The following TPPP variants were observed in gnomAD, a reference collection of about 807,000 sequenced individuals.
TPPP encodes tubulin polymerization promoting protein.
TPPP carries 6 observed loss-of-function variants against 15.5 expected under a neutral mutation model. The ratio of observed to expected loss-of-function variants is 0.39; its 90% CI spans 0.21 to 0.77. TPPP has a LOEUF of 0.77. TPPP is among the 30% of genes least tolerant of loss of function. The probability of loss-of-function intolerance (pLI) is 0.42; values close to 1 mark genes in which losing one functional copy is unlikely to be tolerated. For synonymous variants in TPPP, 146 were observed against 133.9 expected (o/e 1.09, Z -0.63); for missense variants, 269 against 307.2 (o/e 0.88, Z 0.93).
At chr5:688,260 A>AAGGGGAAC (rs1447609745) in intron 1 of TPPP, among the ~76,000 whole-genome samples, 2 of 141,994 alleles carry the variant, frequency 1.4e-5, no homozygotes, top group Non-Finnish European at 3.2e-5. Flanking sequence ...GTTGCCAAGA[A>AAGGGGAAC]AGGGGAACCG....
chr5:668,548 CAAAT>C lies in TPPP; in HGVS notation c.312-2429_312-2426del, dbSNP rs539069587. Among the ~76,000 whole-genome samples the C allele has an allele frequency of 6.0e-3, 909 of 152,232 alleles. 3 individuals carry two copies. The highest frequency in any genetic ancestry group is 0.014 in the Middle Eastern group (4 of 290). ...ACACTCTCCAGGGGGCTCAGACAAT[CAAAT>C]AAACTGCCGGCACCTCGAGCTGAGC... On this transcript the variant is annotated intron_variant, in intron 2 of 3. Coordinates refer to ENST00000360578, the MANE Select transcript of TPPP (RefSeq NM_007030.3).
At chr5:697,191 G>T (rs1178907035), upstream of TPPP, among the ~76,000 whole-genome samples, 1 of 151,336 alleles carries the variant, frequency 6.6e-6, no homozygotes, top group Non-Finnish European at 1.5e-5. Flanking sequence ...AGCGACTCTG[G>T]CCCCCCTATC....
Position 661,371 on chromosome 5 carries a change from CCT to C in TPPP, c.*3729_*3730del, listed in dbSNP as rs1392630141. The C allele has an allele frequency of 6.6e-6, 1 of 152,106 alleles. No homozygotes were observed. The highest frequency in any genetic ancestry group is 3.4e-3 in the Middle Eastern group (1 of 290). 9.4% of individuals were successfully genotyped at this position (152,106 alleles called of 1,614,324 possible). A position where few individuals can be genotyped will look rare whatever the true frequency, so the allele number is the denominator to read the frequency against. ...GGTGTCACCCATGATAGAACCTGTCCCTGTGTCCTCGTGTCACCCATGACAGA... is the reference window on the plus strand; with the variant it reads ...GGTGTCACCCATGATAGAACCTGTCCGTGTCCTCGTGTCACCCATGACAGA... On this transcript the variant is annotated 3_prime_UTR_variant, in exon 4 of 4. Transcript: ENST00000360578.
At chr5:669,712 A>G (rs1365473946) in intron 2 of TPPP, among the ~76,000 whole-genome samples, 1 of 151,808 alleles carries the variant, frequency 6.6e-6, no homozygotes, top group Admixed American at 6.5e-5. Flanking sequence ...AGATCCGGAC[A>G]CCTGCTCTGC....
Position 664,557 on chromosome 5 carries a change from G to C in TPPP, c.*545C>G, listed in dbSNP as rs183379471. 1 of 155,254 alleles carries C rather than the reference G, an allele frequency of 6.4e-6. No individual in the cohort carries two copies. The highest frequency in any genetic ancestry group is 1.4e-5 in the Non-Finnish European group (1 of 70,212). The allele number at this position is 155,254 out of a possible 1,614,324, so 9.6% of individuals were successfully genotyped here. A position where few individuals can be genotyped will look rare whatever the true frequency, so the allele number is the denominator to read the frequency against. On this transcript the variant is annotated 3_prime_UTR_variant, in exon 4 of 4. Transcript: ENST00000360578. ...GCCAGGCGCCCAGCACCCCCGCCAG[G>C]TGGCCTCACTCTGCCCTCTGCCCAG... is the stretch of plus-strand genomic sequence containing the variant.
chr5:678,069 G>C lies in TPPP; in HGVS notation c.-4-5C>G. ...TTGGCCTTGTCAGCCATGTTGCTAT[G>C]GAGGAAGGAGAGGAGAAAGGTGTCA... On this transcript the variant is annotated splice_polypyrimidine_tract_variant and splice_region_variant and intron_variant, in intron 1 of 3. Transcript: ENST00000360578. The C allele has an allele frequency of 6.5e-7, 1 of 1,528,380 alleles. No homozygotes were observed. Among genetic ancestry groups the C allele is most frequent in the Non-Finnish European group, 8.8e-7 (1 of 1,136,924 alleles). 94.7% of individuals were successfully genotyped at this position (1,528,380 alleles called of 1,614,324 possible).
At chr5:685,362 C>A (rs943817543) in intron 1 of TPPP, among the ~76,000 whole-genome samples, 1 of 152,216 alleles carries the variant, frequency 6.6e-6, no homozygotes, top group Non-Finnish European at 1.5e-5. Context: ...GGCAGCGTCC[C>A]CAGCACACCA....
rs775980060 is a variant in TPPP, at chr5:666,035, C to T, written c.400G>A (p.Glu134Lys). The T allele has an allele frequency of 2.0e-5, 32 of 1,611,354 alleles. No individual in the cohort carries two copies. In the Admixed American group the frequency reaches 3.7e-4, roughly 18 times the overall value. ...AKKRFKDKSSEEAVREVHRLI... is the reference protein window; with the variant it reads ...AKKRFKDKSSKEAVREVHRLI... ...CTGTGCACCTCGCGAACGGCCTCCTCGCTGCTCTTGTCTTTGAATCGCTTC... is the reference window on the plus strand; with the variant it reads ...CTGTGCACCTCGCGAACGGCCTCCTTGCTGCTCTTGTCTTTGAATCGCTTC... Residue 134 changes from glutamate (E) to lysine (K), a missense_variant, in exon 3 of 4, where the codon GAG (glutamate) becomes AAG (lysine). By Grantham distance (56) the Glu-to-Lys change is moderately conservative. Transcript: ENST00000360578.
At chr5:697,863 C>T (rs576614034), upstream of TPPP, among the ~76,000 whole-genome samples, 1 of 145,432 alleles carries the variant, frequency 6.9e-6, no homozygotes, top group African/African-American at 2.5e-5. Context: ...CGGACCAAAA[C>T]CAGACAAAGG....
rs1180498576 is a variant in TPPP, at chr5:660,232, T to G, written c.*4870A>C. On this transcript the variant is annotated 3_prime_UTR_variant, in exon 4 of 4. Transcript: ENST00000360578. The stretch of plus-strand genomic sequence containing the variant: ...ATATATATATATATATATATATAAA[T>G]TTGTTTCCCTTTCTTGAAAAAAACT... 1.3e-5 allele frequency: 2 copies of G among 150,930 alleles called. No individual in the cohort carries two copies. Among genetic ancestry groups the G allele is most frequent in the African/African-American group, 4.9e-5 (2 of 41,166 alleles). 9.3% of individuals were successfully genotyped at this position (150,930 alleles called of 1,614,324 possible). A position where few individuals can be genotyped will look rare whatever the true frequency, so the allele number is the denominator to read the frequency against.
At chr5:673,735 C>T (rs1474434462) in intron 2 of TPPP, among the ~76,000 whole-genome samples, 1 of 152,270 alleles carries the variant, frequency 6.6e-6, no homozygotes, top group East Asian at 1.9e-4. Flanking sequence ...GGTGAATGTG[C>T]TGGAGCAGGG....
upstream of TPPP, among the ~76,000 whole-genome samples, chr5:696,473 G>C (rs1407149361): frequency 6.8e-6 from 1 of 146,934 alleles, no homozygotes; most frequent in East Asian, 1.9e-4. Flanking sequence ...CAGCTTCTTT[G>C]GGCCCCGTAG....
At chr5:669,651 A>G (rs1294404023) in intron 2 of TPPP, among the ~76,000 whole-genome samples, 1 of 151,960 alleles carries the variant, frequency 6.6e-6, no homozygotes, top group Non-Finnish European at 1.5e-5. Context: ...AGCATGAGTC[A>G]CTCGGCGGGA....
rs11748745 is a variant in TPPP, at chr5:687,060, C to G, written c.-5+6218G>C. On this transcript the variant is annotated intron_variant, in intron 1 of 3. Transcript: ENST00000360578. Reference sequence around the variant, plus strand: ...CCTGGTGCTGTTACAGCAACACACACGGACTAACACAGTCGCCATGAGGCC... The same window carrying G: ...CCTGGTGCTGTTACAGCAACACACAGGGACTAACACAGTCGCCATGAGGCC... Among the ~76,000 whole-genome samples, 698 of 124,636 alleles carry G rather than the reference C, an allele frequency of 5.6e-3. 162 individuals carry two copies. The highest frequency in any genetic ancestry group is 8.3e-3 in the Non-Finnish European group (450 of 54,492). The allele number at this position is 124,636 out of a possible 152,430, so 81.8% of individuals were successfully genotyped here. A position where few individuals can be genotyped will look rare whatever the true frequency, so the allele number is the denominator to read the frequency against.
chr5:678,043 C>G lies in TPPP; in HGVS notation c.18G>C (p.Lys6Asn), dbSNP rs1414256346. 6.3e-7 allele frequency: 1 copy of G among 1,576,820 alleles called. No homozygotes were observed. The highest frequency in any genetic ancestry group is 1.4e-5 in the African/African-American group (1 of 73,770). The change falls in exon 2 of 4, where the codon AAG becomes AAC. Residue 6 changes from lysine (K) to asparagine (N), a missense_variant. Physicochemically the swap from Lys to Asn is moderately conservative, Grantham distance 94. Coordinates refer to ENST00000360578, the MANE Select transcript of TPPP (RefSeq NM_007030.3). MADKA[K>N]PAKAANRTPP... ...GCGTCCTGTTGGCAGCTTTGGCAGG[C>G]TTGGCCTTGTCAGCCATGTTGCTAT...
chr5:683,749 C>T (rs1392645834), intron 1 of TPPP, among the ~76,000 whole-genome samples: 1 of 152,280 alleles, frequency 6.6e-6, no homozygotes, highest in Non-Finnish European at 1.5e-5. Context: ...CCGAGGCGCT[C>T]AGCAGTATTC....
chr5:668,796 C>G (rs1164010399), intron 2 of TPPP, among the ~76,000 whole-genome samples: 1 of 152,236 alleles, frequency 6.6e-6, no homozygotes, highest in Non-Finnish European at 1.5e-5. Flanking sequence ...TCAGCAGCGG[C>G]CAGACCACAG....
chr5:673,981 G>A (rs1207848583), intron 2 of TPPP, among the ~76,000 whole-genome samples: 3 of 152,222 alleles, frequency 2.0e-5, no homozygotes, highest in Non-Finnish European at 2.9e-5. Flanking sequence ...GCACACATGC[G>A]CCATAGTTTG....
At chr5:675,358 G>C (rs938508254) in intron 2 of TPPP, among the ~76,000 whole-genome samples, 1 of 106,824 alleles carries the variant, frequency 9.4e-6, no homozygotes, top group Non-Finnish European at 1.9e-5. Context: ...CAGTGTGGGG[G>C]TGTGCAGTGT....
Sources: allele counts gnomAD v4.1 joint callset (sites outside exome capture counted in the v4.1 genomes callset), GRCh38; gene constraint gnomAD v4.1.1; transcripts MANE v1.5; gene names NCBI Gene and HGNC (gene_info 2026-07-23, HGNC 2026-07-21).